SLC24A2: variants seen among roughly 807,000 people sequenced by gnomAD.
SLC24A2 encodes sodium/potassium/calcium exchanger 2.
In SLC24A2, 36 loss-of-function variants were observed where a neutral mutation model predicts 62.0. The ratio of observed to expected loss-of-function variants is 0.58; its 90% CI spans 0.44 to 0.77. SLC24A2 has a LOEUF of 0.77. Among genes scored for constraint, SLC24A2 ranks in the 30% least tolerant of loss-of-function variants. SLC24A2 has a pLI of 0.00. For synonymous variants in SLC24A2, 358 were observed against 294.0 expected, an observed-to-expected ratio of 1.22 and a Z score of -2.23; for missense variants, 846 against 817.9, an observed-to-expected ratio of 1.03 and a Z score of -0.42.
chr9:19,990,359 C>T, the SLC24A2 span, among the ~76,000 whole-genome samples: 3 of 152,104 alleles, frequency 2.0e-5, no homozygotes, highest in Admixed American at 6.5e-5. Flanking sequence ...TACCTCTAAT[C>T]CCTGCACTTT....
At chr9:20,027,996 T>A in the SLC24A2 span, among the ~76,000 whole-genome samples, 1 of 152,162 alleles carries the variant, frequency 6.6e-6, no homozygotes, top group Non-Finnish European at 1.5e-5. Context: ...TAAGAGAATG[T>A]GAATGATCTC....
chr9:19,870,846 T>A, the SLC24A2 span, among the ~76,000 whole-genome samples: 1 of 152,156 alleles, frequency 6.6e-6, no homozygotes, highest in African/African-American at 2.4e-5. Context: ...TATTTTTAAA[T>A]TGGGTTATTT....
the SLC24A2 span, among the ~76,000 whole-genome samples, chr9:20,182,224 G>A: frequency 2.0e-5 from 3 of 152,114 alleles, no homozygotes; most frequent in South Asian, 2.1e-4. Flanking sequence ...GTGATTCCTC[G>A]AGTGATTCCT....
At chr9:20,028,327 C>T in the SLC24A2 span, among the ~76,000 whole-genome samples, 2 of 152,192 alleles carry the variant, frequency 1.3e-5, no homozygotes, top group Non-Finnish European at 2.9e-5. Context: ...AATGCATTAG[C>T]ACTGATGGTT....
the SLC24A2 span, among the ~76,000 whole-genome samples, chr9:20,160,485 C>T: frequency 6.6e-6 from 1 of 151,208 alleles, no homozygotes; most frequent in Non-Finnish European, 1.5e-5. Context: ...AGAAAATATA[C>T]CTTCTTCTCA....
the SLC24A2 span, among the ~76,000 whole-genome samples, chr9:20,071,437 G>A: frequency 6.6e-6 from 1 of 152,212 alleles, no homozygotes; most frequent in Non-Finnish European, 1.5e-5. Flanking sequence ...GTGCAATGGT[G>A]AGACTTTGAG....
intron 5 of SLC24A2, among the ~76,000 whole-genome samples, chr9:19,582,200 T>C (rs1345605771): frequency 6.6e-6 from 1 of 152,180 alleles, no homozygotes; most frequent in African/African-American, 2.4e-5. Context: ...TCAAAATCCT[T>C]GACCAGATCA....
At chr9:19,771,584 T>G (rs769278778) in intron 2 of SLC24A2, among the ~76,000 whole-genome samples, 2 of 152,184 alleles carry the variant, frequency 1.3e-5, no homozygotes, top group African/African-American at 2.4e-5. Context: ...GCCACAAAAC[T>G]CCATCCACCA....
At chr9:19,576,215 G>A (rs1302557466) in intron 6 of SLC24A2, among the ~76,000 whole-genome samples, 12 of 152,132 alleles carry the variant, frequency 7.9e-5, no homozygotes, top group African/African-American at 1.7e-4. Flanking sequence ...TAATAGCTTC[G>A]TTTATAGCAT....
intron 2 of SLC24A2, among the ~76,000 whole-genome samples, chr9:19,659,544 G>A (rs993498303): frequency 1.3e-5 from 2 of 152,010 alleles, no homozygotes; most frequent in African/African-American, 4.8e-5. Context: ...CTGAATTCAG[G>A]GCTGTGAAGG....
chr9:19,982,691 T>C, the SLC24A2 span, among the ~76,000 whole-genome samples: 1 of 152,174 alleles, frequency 6.6e-6, no homozygotes, highest in Non-Finnish European at 1.5e-5. Context: ...TCTATAAGGC[T>C]GTATTACCCT....
chr9:19,785,156 T>A (rs1038373608), intron 2 of SLC24A2, among the ~76,000 whole-genome samples: 4 of 152,254 alleles, frequency 2.6e-5, no homozygotes, highest in African/African-American at 9.6e-5. Context: ...AAAAATAATT[T>A]AGGTGTTTGC....
chr9:19,571,715 G>A (rs1461613458), intron 7 of SLC24A2, among the ~76,000 whole-genome samples: 2 of 152,206 alleles, frequency 1.3e-5, no homozygotes, highest in South Asian at 2.1e-4. Flanking sequence ...TAAAATGCAA[G>A]TTTTAAAATG....
chr9:19,842,316 C>G, the SLC24A2 span, among the ~76,000 whole-genome samples: 1 of 152,148 alleles, frequency 6.6e-6, no homozygotes, highest in Non-Finnish European at 1.5e-5. Context: ...ATGAACTGGT[C>G]TTACTACATA....
chr9:19,995,049 T>A, the SLC24A2 span, among the ~76,000 whole-genome samples: 4 of 151,128 alleles, frequency 2.6e-5, no homozygotes, highest in Admixed American at 6.6e-5. Context: ...GTGAGGGGAT[T>A]TAACCCCTGT....
At chr9:19,615,295 C>T (rs1000777057) in intron 4 of SLC24A2, among the ~76,000 whole-genome samples, 1 of 152,220 alleles carries the variant, frequency 6.6e-6, no homozygotes, top group Admixed American at 6.5e-5. Flanking sequence ...CAGGTGAACA[C>T]CAGTGACATG....
At chr9:19,987,349 T>C in the SLC24A2 span, among the ~76,000 whole-genome samples, 2 of 152,196 alleles carry the variant, frequency 1.3e-5, no homozygotes, top group African/African-American at 2.4e-5. Context: ...ATGAAAATAT[T>C]GATAAAACAA....
chr9:19,740,498 A>G (rs564908003), intron 2 of SLC24A2, among the ~76,000 whole-genome samples: 1 of 152,350 alleles, frequency 6.6e-6, no homozygotes, highest in Non-Finnish European at 1.5e-5. Flanking sequence ...CTATGAATCC[A>G]CATATGCAAA....
At chr9:20,149,328 A>C in the SLC24A2 span, among the ~76,000 whole-genome samples, 1 of 152,060 alleles carries the variant, frequency 6.6e-6, no homozygotes. Context: ...ACCAACAATG[A>C]GGAGACTTTT....
Sources: allele counts gnomAD v4.1 joint callset (sites outside exome capture counted in the v4.1 genomes callset), GRCh38; gene constraint gnomAD v4.1.1; transcripts MANE v1.5; gene names NCBI Gene and HGNC (gene_info 2026-07-23, HGNC 2026-07-21).